SIK3: variants seen among roughly 807,000 people sequenced by gnomAD.
SIK3 encodes the protein serine/threonine-protein kinase SIK3.
Under a neutral mutation model 144.2 loss-of-function variants are expected in SIK3, and 28 were observed. The ratio of observed to expected loss-of-function variants is 0.19; its 90% confidence interval spans 0.14 to 0.27. The LOEUF is 0.27. Among genes scored for constraint, SIK3 ranks in the 10% least tolerant of loss-of-function variants. SIK3 has a pLI of 1.00. For synonymous variants in SIK3, 686 were observed against 676.3 expected (o/e 1.01, Z -0.22); for missense variants, 1,319 against 1,776.0 (o/e 0.74, Z 4.62).
chr11:117,079,888 G>C (rs1351310031), intron 1 of SIK3, among the ~76,000 whole-genome samples: 1 of 151,928 alleles, frequency 6.6e-6, no homozygotes, highest in African/African-American at 2.4e-5. Context: ...GCTATTACAG[G>C]CCAGGCACAG....
intron 1 of SIK3, among the ~76,000 whole-genome samples, chr11:117,028,339 C>G (rs1048816662): frequency 1.3e-5 from 2 of 152,098 alleles, no homozygotes; most frequent in Non-Finnish European, 2.9e-5. Flanking sequence ...TACTACATGC[C>G]AGATGCTAAT....
chr11:116,936,823 A>C (rs1318529729), intron 3 of SIK3, among the ~76,000 whole-genome samples: 3 of 152,160 alleles, frequency 2.0e-5, no homozygotes, highest in Non-Finnish European at 2.9e-5. Context: ...AACATAGTTC[A>C]CCTGCATGTG....
intron 1 of SIK3, among the ~76,000 whole-genome samples, chr11:117,021,169 C>CA (rs1335548042): frequency 6.6e-6 from 1 of 152,184 alleles, no homozygotes; most frequent in Non-Finnish European, 1.5e-5. Flanking sequence ...CAGGAGAAAC[C>CA]AATTCTGTTA....
chr11:117,069,183 TTGG>T (rs200394056), intron 1 of SIK3, among the ~76,000 whole-genome samples: 6,808 of 73,314 alleles, frequency 0.093, 403 homozygotes, highest in African/African-American at 0.21. Flanking sequence ...AGATTTTTTT[TTGG>T]GGGGGGGGGG....
intron 4 of SIK3, among the ~76,000 whole-genome samples, chr11:116,909,111 C>G (rs1457960470): frequency 3.3e-5 from 5 of 152,100 alleles, no homozygotes; most frequent in Non-Finnish European, 5.9e-5. Context: ...CGCAGCTATA[C>G]AAACAACATG....
chr11:117,024,852 G>T (rs1008861757), intron 1 of SIK3, among the ~76,000 whole-genome samples: 2 of 151,706 alleles, frequency 1.3e-5, no homozygotes, highest in African/African-American at 4.9e-5. Context: ...AGAGAGCTGA[G>T]ATCAGCGCCA....
At chr11:117,083,748 T>C (rs1360331710) in intron 1 of SIK3, among the ~76,000 whole-genome samples, 1 of 152,152 alleles carries the variant, frequency 6.6e-6, no homozygotes, top group East Asian at 1.9e-4. Context: ...GCTCCTGTCT[T>C]CCACAATAAA....
chr11:116,956,654 C>A (rs1328693637), intron 2 of SIK3, among the ~76,000 whole-genome samples: 2 of 152,078 alleles, frequency 1.3e-5, no homozygotes, highest in Non-Finnish European at 2.9e-5. Context: ...AAAATAAATT[C>A]TCATCATCTT....
At chr11:117,062,781 AG>A (rs1485825671) in intron 1 of SIK3, among the ~76,000 whole-genome samples, 1 of 152,224 alleles carries the variant, frequency 6.6e-6, no homozygotes, top group Non-Finnish European at 1.5e-5. Flanking sequence ...TCCCAGAAAG[AG>A]TGGTTCACAT....
At position 116,858,241 on chromosome 11, in the gene SIK3, G is replaced by T; in HGVS notation, c.3224C>A (p.Ala1075Glu). 6.2e-7 allele frequency: 1 copy of T among 1,613,992 alleles called. No individual in the cohort carries two copies. The highest frequency in any genetic ancestry group is 1.1e-5 in the South Asian group (1 of 91,058). Reference protein sequence around the residue: ...ELFRHMNQGDAGSLAPSLGGQ... With the variant: ...ELFRHMNQGDEGSLAPSLGGQ... ...CCCAAGGCTGGGAGCCAGACTCCCC[G>T]CATCCCCTTGGTTCATGTGCCTGAA... The change falls in exon 21 of 25, where the codon GCG becomes GAG. Residue 1075 changes from alanine to glutamate, a missense_variant. Physicochemically the swap from Ala to Glu is moderately radical, Grantham distance 107 (BLOSUM62 -1). This residue lies in a region of SIK3 where 646 missense variants were observed against 763.7 expected (regional missense o/e 0.85). Coordinates refer to ENST00000445177, the MANE Select transcript of SIK3 (RefSeq NM_001366686.3). This position sits in a 1 kb window ranked among gnomAD's most constrained non-coding sequence, Gnocchi z 5.4.
chr11:116,998,160 T>C (rs1221509678), intron 1 of SIK3, among the ~76,000 whole-genome samples: 1 of 137,960 alleles, frequency 7.2e-6, no homozygotes, highest in Admixed American at 7.4e-5. Flanking sequence ...GTGTATATGA[T>C]AATTTAAAAA....
At chr11:116,896,121 T>G in intron 6 of SIK3, 132 bp downstream of exon 6, 1 of 1,262,330 alleles carries the variant, frequency 7.9e-7, no homozygotes, top group Non-Finnish European at 1.1e-6. Context: ...CCTGGAGGCA[T>G]CAGGTCAGCA....
intron 1 of SIK3, among the ~76,000 whole-genome samples, chr11:117,096,568 G>A (rs184004596): frequency 2.2e-3 from 338 of 152,242 alleles, no homozygotes; most frequent in Non-Finnish European, 3.8e-3. Context: ...AGGGTCTGAG[G>A]GAGCCCTGGA....
At chr11:117,007,666 T>C (rs184946700) in intron 1 of SIK3, among the ~76,000 whole-genome samples, 1 of 152,354 alleles carries the variant, frequency 6.6e-6, no homozygotes, top group Admixed American at 6.5e-5. Context: ...ATTAATGTTA[T>C]GGAGTGTCAT....
chr11:116,898,999 G>A (rs1945590790), intron 4 of SIK3, among the ~76,000 whole-genome samples: 1 of 148,934 alleles, frequency 6.7e-6, no homozygotes, highest in Non-Finnish European at 1.5e-5. Flanking sequence ...GTCAATTTTG[G>A]CTTTTGTTGC....
intron 4 of SIK3, among the ~76,000 whole-genome samples, chr11:116,918,588 A>G (rs1208902000): frequency 1.3e-5 from 2 of 152,320 alleles, no homozygotes; most frequent in East Asian, 3.9e-4. Context: ...TGCACAAACT[A>G]GAAGTGTGAG....
intron 6 of SIK3, among the ~76,000 whole-genome samples, chr11:116,895,051 C>T (rs545603321): frequency 7.2e-5 from 11 of 152,144 alleles, no homozygotes; most frequent in South Asian, 2.1e-4. Context: ...CTGTCAAAAC[C>T]CTCCAATCCT....
At chr11:116,923,455 T>C (rs1947114546) in intron 4 of SIK3, among the ~76,000 whole-genome samples, 1 of 152,206 alleles carries the variant, frequency 6.6e-6, no homozygotes, top group Non-Finnish European at 1.5e-5. Context: ...CATGTTCTAG[T>C]TGGCTTCAAC....
intron 16 of SIK3, 72 bp downstream of exon 16, chr11:116,863,596 C>T: frequency 6.2e-7 from 1 of 1,602,614 alleles, no homozygotes; most frequent in Non-Finnish European, 8.5e-7. Flanking sequence ...ACGTTTACCA[C>T]CCCAGTCCTC....
Sources: allele counts gnomAD v4.1 joint callset (sites outside exome capture counted in the v4.1 genomes callset), GRCh38; gene constraint gnomAD v4.1.1; regional missense constraint gnomAD v4.1.1; non-coding constraint Gnocchi (gnomAD v3.1); transcripts MANE v1.5; gene names NCBI Gene and HGNC (gene_info 2026-07-23, HGNC 2026-07-21).